Variants in LRP6 observed in about 807,000 individuals in gnomAD.
The protein encoded by LRP6 is LDL receptor related protein 6.
A neutral mutation model predicts 184.1 loss-of-function variants in LRP6; 43 were observed. The ratio of observed to expected loss-of-function variants is 0.23; its 90% CI spans 0.18 to 0.30. The LOEUF (loss-of-function observed/expected upper bound fraction) is 0.30. LRP6 is among the 10% of genes least tolerant of loss of function. The probability of loss-of-function intolerance (pLI) is 1.00; values close to 1 mark genes in which losing one functional copy is unlikely to be tolerated. For missense variants in LRP6, 1,571 were observed against 2,005.3 expected, an observed-to-expected ratio of 0.78 and a Z score of 4.14; for synonymous variants, 719 against 684.9, an observed-to-expected ratio of 1.05 and a Z score of -0.78.
intron 3 of LRP6, among the ~76,000 whole-genome samples, chr12:12,188,591 G>A (rs1863537591): frequency 6.6e-6 from 1 of 152,150 alleles, no homozygotes; most frequent in Admixed American, 6.5e-5. Context: ...ATTGCACATG[G>A]AATGATCTTA....
chr12:12,257,584 GAA>G (rs369886658), intron 1 of LRP6, among the ~76,000 whole-genome samples: 6 of 62,492 alleles, frequency 9.6e-5, no homozygotes, highest in African/African-American at 1.1e-4. Context: ...CCCTCTCAAG[GAA>G]AAAAAAAAAA....
intron 15 of LRP6, among the ~76,000 whole-genome samples, chr12:12,144,059 T>C (rs936647113): frequency 2.0e-5 from 3 of 152,208 alleles, no homozygotes; most frequent in Non-Finnish European, 4.4e-5. Flanking sequence ...ACATTAAAAT[T>C]AGGACCTTTC....
rs1176481805 is a variant in LRP6 at position 12,132,668 on chromosome 12, C to T, written c.3734-611G>A. On this transcript the variant is annotated intron_variant, in intron 17 of 22. Transcript: ENST00000261349. ...GCCACATGTGCACAGTTTAAACAAA[C>T]ACACAAAAAGACCAATTTCACTTAA... Among the ~76,000 whole-genome samples the T allele has an allele frequency of 2.0e-5, 3 of 152,080 alleles. No individual in the cohort carries two copies. In the East Asian group the frequency reaches 5.8e-4, roughly 29 times the overall value.
intron 3 of LRP6, among the ~76,000 whole-genome samples, chr12:12,193,648 C>A (rs1863675867): frequency 1.3e-5 from 2 of 152,054 alleles, no homozygotes; most frequent in South Asian, 4.2e-4. Context: ...CAAAAATATT[C>A]CTGGAAAAAA....
chr12:12,135,645 C>T (rs984617524), intron 16 of LRP6, among the ~76,000 whole-genome samples: 5 of 151,462 alleles, frequency 3.3e-5, no homozygotes, highest in Non-Finnish European at 5.9e-5. Flanking sequence ...AGGTGACTGC[C>T]GCCATGCCTG....
Position 12,159,912 on chromosome 12 carries a change from T to C in LRP6, c.2332A>G (p.Met778Val). 1 of 1,614,080 alleles carries C rather than the reference T, an allele frequency of 6.2e-7. No homozygotes were observed. The highest frequency in any genetic ancestry group is 8.5e-7 in the Non-Finnish European group (1 of 1,179,976). The change falls in exon 11 of 23, where the codon ATG (methionine) becomes GTG (valine). Residue 778 changes from methionine (M) to valine (V), a missense_variant. Met to Val is a conservative substitution (Grantham distance 21, BLOSUM62 1). Transcript: ENST00000261349. The stretch of plus-strand genomic sequence containing the variant: ...AAGGTAGTACGTTCACTTCCATCCA[T>C]TGCAGCTCTGTCTATCTTAGGTTTT... ...GGKPKIDRAA[M>V]DGSERTTLVP... is the part of the protein sequence containing the mutation.
chr12:12,257,609 T>C (rs756905278), intron 1 of LRP6, among the ~76,000 whole-genome samples: 5 of 124,388 alleles, frequency 4.0e-5, no homozygotes, highest in East Asian at 4.5e-4. Context: ...AAGTACTTGA[T>C]AGAAAGGGCT....
rs562184738 is a variant in LRP6, at chr12:12,214,274, T to C, written c.450-10874A>G. Among the ~76,000 whole-genome samples the C allele has an allele frequency of 1.3e-3, 198 of 152,316 alleles. 3 individuals carry two copies. Among genetic ancestry groups the C allele is most frequent in the Middle Eastern group, 0.01 (3 of 294 alleles). On this transcript the variant is annotated intron_variant, in intron 2 of 22. Transcript: ENST00000261349. ...CTCAACAAGAAAAAGGAAATTTTCC[T>C]TTATTCTTTAATAAAACATCTCAGT...
chr12:12,264,675 C>T (rs562506757), intron 1 of LRP6, among the ~76,000 whole-genome samples: 1 of 152,266 alleles, frequency 6.6e-6, no homozygotes, highest in South Asian at 2.1e-4. Context: ...AATATCTTTA[C>T]TATAACAGAG....
chr12:12,266,548 T>G, intron 1 of LRP6, 133 bp downstream of exon 1: 1 of 567,970 alleles, frequency 1.8e-6, no homozygotes, highest in Non-Finnish European at 3.0e-6. Context: ...TCTCTCCCCC[T>G]CCCCACGACC....
At chr12:12,184,879 T>C (rs7956548) in intron 4 of LRP6, among the ~76,000 whole-genome samples, 61,345 of 151,892 alleles carry the variant, frequency 0.4, 15,025 homozygotes, top group East Asian at 0.75. Context: ...ACAATACTCA[T>C]AGAAAAAAAT....
chr12:12,127,625 C>T (rs563609574), intron 19 of LRP6, among the ~76,000 whole-genome samples: 1 of 147,154 alleles, frequency 6.8e-6, no homozygotes, highest in Admixed American at 6.7e-5. Context: ...GATTCACCTT[C>T]CCTGGATCCC....
chr12:12,181,417 TA>T lies in LRP6; in HGVS notation c.998del (p.Leu333Ter). 1 of 1,339,752 alleles carries T rather than the reference TA, an allele frequency of 7.5e-7. No individual in the cohort carries two copies. The allele number at this position is 1,339,752 out of a possible 1,614,324, so 83.0% of individuals were successfully genotyped here. A position where few individuals can be genotyped will look rare whatever the true frequency, so the allele number is the denominator to read the frequency against. ...TGCGTCTCAAGTCTGTCCTTCGAGCTAAAAGCAATAATTCTGTGGCACCTAG... is the reference window on the plus strand; with the variant it reads ...TGCGTCTCAAGTCTGTCCTTCGAGCTAAAGCAATAATTCTGTGGCACCTAG... ...CKDGATELLL[L>X]ARRTDLRRIS... On this transcript the variant is annotated frameshift_variant, in exon 6 of 23. Transcript: ENST00000261349. LOFTEE classifies it high-confidence loss of function.
chr12:12,134,083 G>A (rs1254182191), intron 17 of LRP6, among the ~76,000 whole-genome samples: 1 of 152,042 alleles, frequency 6.6e-6, no homozygotes, highest in Non-Finnish European at 1.5e-5. Context: ...AGCTGCTACT[G>A]AATACATGCA....
chr12:12,189,791 G>A (rs913855987), intron 3 of LRP6, among the ~76,000 whole-genome samples: 2 of 152,042 alleles, frequency 1.3e-5, no homozygotes, highest in African/African-American at 2.4e-5. Context: ...GTGAGCCACC[G>A]AGCCCGGCCT....
chr12:12,155,795 C>A, intron 12 of LRP6: 1 of 758,852 alleles, frequency 1.3e-6, no homozygotes. Context: ...AAATAAAAGA[C>A]TTCTGGACTG....
At chr12:12,262,544 C>A (rs552326962) in intron 1 of LRP6, among the ~76,000 whole-genome samples, 3 of 144,044 alleles carry the variant, frequency 2.1e-5, no homozygotes, top group East Asian at 4.1e-4. Context: ...AGCGACAGAG[C>A]GAGACTCCGT....
chr12:12,173,318 A>G (rs1384952872), intron 7 of LRP6, among the ~76,000 whole-genome samples: 1 of 152,170 alleles, frequency 6.6e-6, no homozygotes, highest in Non-Finnish European at 1.5e-5. Context: ...CTCTGCTCTC[A>G]TTCTTTTTAA....
intron 2 of LRP6, among the ~76,000 whole-genome samples, chr12:12,209,715 T>C (rs557596083): frequency 1.1e-4 from 17 of 152,328 alleles, no homozygotes; most frequent in Admixed American, 1.0e-3. Context: ...TATTCAATTT[T>C]CTTAAGGTTT....
Sources: allele counts gnomAD v4.1 joint callset (sites outside exome capture counted in the v4.1 genomes callset), GRCh38; gene constraint gnomAD v4.1.1; transcripts MANE v1.5; gene names NCBI Gene and HGNC (gene_info 2026-07-23, HGNC 2026-07-21).